The following CREB5 variants were observed in gnomAD, a reference collection of about 807,000 sequenced individuals.
CREB5 encodes the protein cyclic AMP-responsive element-binding protein 5.
A neutral mutation model predicts 57.1 loss-of-function variants in CREB5; 19 were observed. The observed-to-expected ratio is 0.33, with a 90% CI of 0.23 to 0.49. The LOEUF is 0.49. CREB5 is among the 20% of genes least tolerant of loss of function. CREB5 has a pLI of 0.99. For synonymous variants in CREB5, 238 were observed against 238.3 expected (o/e 1.00, Z 0.01); for missense variants, 579 against 671.6 (o/e 0.86, Z 1.52).
chr7:28,424,054 T>C (rs1347531178), intron 1 of CREB5, among the ~76,000 whole-genome samples: 1 of 152,200 alleles, frequency 6.6e-6, no homozygotes, highest in Non-Finnish European at 1.5e-5. Flanking sequence ...AGGAAGAATC[T>C]GTTCCAGGCC....
At chr7:28,398,329 G>T (rs1000762547) in intron 1 of CREB5, among the ~76,000 whole-genome samples, 3 of 152,166 alleles carry the variant, frequency 2.0e-5, no homozygotes, top group Non-Finnish European at 4.4e-5. Flanking sequence ...AATAATGGAG[G>T]CTTTGTGGCA....
chr7:28,680,347 C>G (rs1220393519), intron 5 of CREB5, among the ~76,000 whole-genome samples: 7 of 152,188 alleles, frequency 4.6e-5, no homozygotes, highest in Admixed American at 2.6e-4. Context: ...CTGAGCCAGT[C>G]TTGATCAGCT....
intron 5 of CREB5, among the ~76,000 whole-genome samples, chr7:28,672,499 T>C (rs1800100484): frequency 1.3e-5 from 2 of 152,122 alleles, no homozygotes; most frequent in African/African-American, 4.8e-5. Context: ...AAAAACATCA[T>C]GGCATTTAAT....
At chr7:28,526,818 G>A (rs1583579276) in intron 4 of CREB5, among the ~76,000 whole-genome samples, 1 of 152,218 alleles carries the variant, frequency 6.6e-6, no homozygotes, top group South Asian at 2.1e-4. Flanking sequence ...ACAGCTTGGA[G>A]CACAGGCACT....
chr7:28,449,476 C>T (rs977815182), intron 1 of CREB5, among the ~76,000 whole-genome samples: 1 of 152,198 alleles, frequency 6.6e-6, no homozygotes, highest in African/African-American at 2.4e-5. Flanking sequence ...GAGTTCTAAG[C>T]TCTCTTAGGA....
intron 5 of CREB5, among the ~76,000 whole-genome samples, chr7:28,678,216 C>T (rs1800409036): frequency 2.0e-5 from 3 of 152,064 alleles, no homozygotes; most frequent in African/African-American, 7.2e-5. Context: ...GGTGAAACCC[C>T]GTCCCTACTA....
chr7:28,345,283 T>TG (rs1197404358), intron 1 of CREB5, among the ~76,000 whole-genome samples: 2 of 152,078 alleles, frequency 1.3e-5, no homozygotes, highest in Non-Finnish European at 2.9e-5. Flanking sequence ...CTTTTTTTTT[T>TG]TTTTTTATCT....
intron 1 of CREB5, among the ~76,000 whole-genome samples, chr7:28,457,967 C>T (rs984492647): frequency 1.3e-5 from 2 of 152,060 alleles, no homozygotes; most frequent in Non-Finnish European, 2.9e-5. Context: ...CCTTAGATTT[C>T]TTGTTATTGA....
At chr7:28,685,495 G>T (rs1800831679) in intron 5 of CREB5, among the ~76,000 whole-genome samples, 1 of 152,060 alleles carries the variant, frequency 6.6e-6, no homozygotes, top group Non-Finnish European at 1.5e-5. Flanking sequence ...CAGGAAAAAA[G>T]GGCCCTGGGC....
intron 1 of CREB5, among the ~76,000 whole-genome samples, chr7:28,343,454 T>C (rs766960190): frequency 1.3e-4 from 20 of 152,312 alleles, no homozygotes; most frequent in Non-Finnish European, 2.6e-4. Context: ...GTATTTGTCT[T>C]TCTGTGCCTG....
At chr7:28,753,571 C>G (rs973025746) in intron 7 of CREB5, among the ~76,000 whole-genome samples, 1 of 152,108 alleles carries the variant, frequency 6.6e-6, no homozygotes, top group Non-Finnish European at 1.5e-5. Flanking sequence ...CCATAGGTAC[C>G]CTTTGGGGAG....
intron 1 of CREB5, among the ~76,000 whole-genome samples, chr7:28,395,984 C>G (rs150525965): frequency 1.3e-5 from 2 of 152,276 alleles, no homozygotes; most frequent in African/African-American, 4.8e-5. Flanking sequence ...GATGCAGACA[C>G]AAGGCAATCA....
chr7:28,810,185 G>T (rs1014436346), intron 9 of CREB5, among the ~76,000 whole-genome samples: 1 of 151,678 alleles, frequency 6.6e-6, no homozygotes, highest in South Asian at 2.1e-4. Flanking sequence ...GCAGTTCAGA[G>T]CATTTGTTCT....
At chr7:28,523,953 A>G (rs745678521) in intron 4 of CREB5, among the ~76,000 whole-genome samples, 1 of 152,194 alleles carries the variant, frequency 6.6e-6, no homozygotes, top group Non-Finnish European at 1.5e-5. Flanking sequence ...ATGTTATCAC[A>G]GGGCTCTGCC....
chr7:28,391,906 C>T (rs1179161889), intron 1 of CREB5, among the ~76,000 whole-genome samples: 3 of 152,176 alleles, frequency 2.0e-5, no homozygotes, highest in Admixed American at 6.5e-5. Context: ...GGACATCTCT[C>T]CTTTCCTAAT....
chr7:28,759,362 G>C (rs1805517396), intron 7 of CREB5, among the ~76,000 whole-genome samples: 1 of 152,132 alleles, frequency 6.6e-6, no homozygotes, highest in Admixed American at 6.5e-5. Context: ...TGCCAGCTAT[G>C]TGAACTCTGA....
intron 8 of CREB5, among the ~76,000 whole-genome samples, chr7:28,806,220 A>G (rs1199281412): frequency 6.6e-6 from 1 of 152,244 alleles, no homozygotes; most frequent in Non-Finnish European, 1.5e-5. Flanking sequence ...TAAGTGGCCA[A>G]TAGTATATGC....
intron 8 of CREB5, among the ~76,000 whole-genome samples, chr7:28,806,601 A>C (rs1476823945): frequency 6.6e-6 from 1 of 152,160 alleles, no homozygotes; most frequent in Non-Finnish European, 1.5e-5. Context: ...CAGGTATACA[A>C]ATTCTGGTTT....
chr7:28,574,639 T>A (rs1367212010), intron 5 of CREB5, among the ~76,000 whole-genome samples: 3 of 152,204 alleles, frequency 2.0e-5, no homozygotes, highest in Non-Finnish European at 2.9e-5. Flanking sequence ...TCTGACGGGT[T>A]ATGGGAGACG....
Sources: gnomAD v4.1 joint callset for allele counts (sites outside exome capture counted in the v4.1 genomes callset) on GRCh38, gnomAD v4.1.1 for gene constraint, MANE v1.5 for transcripts, NCBI Gene and HGNC (gene_info 2026-07-23, HGNC 2026-07-21) for gene names.